WWOX: variants seen among roughly 807,000 people sequenced by gnomAD.
The protein encoded by WWOX is WW domain-containing oxidoreductase.
In WWOX, 69 loss-of-function variants were observed where a neutral mutation model predicts 46.2. The observed-to-expected ratio is 1.49, with a 90% CI of 1.23 to 1.82. The LOEUF (loss-of-function observed/expected upper bound fraction) is 1.82. Among genes scored for constraint, WWOX ranks in the 40% most tolerant of loss-of-function variants. The probability of loss-of-function intolerance (pLI) is 0.00; values close to 1 mark genes in which losing one functional copy is unlikely to be tolerated. For synonymous variants in WWOX, 359 were observed against 202.6 expected, an observed-to-expected ratio of 1.77 and a Z score of -6.56; for missense variants, 919 against 542.6, an observed-to-expected ratio of 1.69 and a Z score of -6.89.
intron 8 of WWOX, among the ~76,000 whole-genome samples, chr16:79,049,291 G>A (rs2048122564): frequency 1.3e-5 from 2 of 152,176 alleles, no homozygotes; most frequent in South Asian, 4.1e-4. Flanking sequence ...CCTTTGTCAA[G>A]GAAGTAAGCA....
At chr16:78,413,548 TTAGG>T (rs1170117319) in intron 6 of WWOX, among the ~76,000 whole-genome samples, 3 of 152,146 alleles carry the variant, frequency 2.0e-5, no homozygotes, top group Admixed American at 1.3e-4. Flanking sequence ...CGTTGATCAG[TTAGG>T]TAGGGACAGA....
intron 8 of WWOX, among the ~76,000 whole-genome samples, chr16:78,742,357 C>A (rs182024245): frequency 3.3e-5 from 5 of 152,172 alleles, no homozygotes; most frequent in Non-Finnish European, 5.9e-5. Context: ...CAGGACAGAG[C>A]CCCACTTCTA....
intron 8 of WWOX, among the ~76,000 whole-genome samples, chr16:79,104,880 C>T (rs564603325): frequency 9.7e-4 from 147 of 152,288 alleles, no homozygotes; most frequent in African/African-American, 3.3e-3. Flanking sequence ...CGACAGACAG[C>T]GGCCAGAGAA....
At chr16:78,583,674 G>A (rs535222663) in intron 8 of WWOX, among the ~76,000 whole-genome samples, 14 of 152,308 alleles carry the variant, frequency 9.2e-5, no homozygotes, top group African/African-American at 3.4e-4. Flanking sequence ...ATCAGGCAGC[G>A]GGTTGGGGGG....
chr16:78,223,039 C>T (rs1382269900), intron 5 of WWOX, among the ~76,000 whole-genome samples: 1 of 152,160 alleles, frequency 6.6e-6, no homozygotes, highest in Non-Finnish European at 1.5e-5. Flanking sequence ...CTGGTTGAAG[C>T]TCTGGCATGG....
intron 8 of WWOX, among the ~76,000 whole-genome samples, chr16:78,489,006 A>T (rs1211691602): frequency 6.6e-6 from 1 of 152,186 alleles, no homozygotes; most frequent in African/African-American, 2.4e-5. Flanking sequence ...GTCTCTGCAG[A>T]GTGTCTAAAT....
Position 78,351,084 on chromosome 16 carries a change from G to T in WWOX, c.517-35776G>T, listed in dbSNP as rs1005957825. ...CATCTCTTCATATGATTATTGGATGGATGATTTTTTTCAGCGGTTATCAGG... is the reference window on the plus strand; with the variant it reads ...CATCTCTTCATATGATTATTGGATGTATGATTTTTTTCAGCGGTTATCAGG... On this transcript the variant is annotated intron_variant, in intron 5 of 8. Transcript: ENST00000566780. 2.0e-5 allele frequency among the ~76,000 whole-genome samples: 3 copies of T among 152,266 alleles called. No individual in the cohort carries two copies. In the East Asian group the frequency reaches 5.8e-4, roughly 29 times the overall value.
At position 79,014,705 on chromosome 16, in the gene WWOX, C is replaced by G. The variant is rs896527138; in HGVS notation, c.1057-196903C>G. 5.9e-5 allele frequency among the ~76,000 whole-genome samples: 9 copies of G among 152,242 alleles called. 1 individual carries two copies. The South Asian group carries it at 6.2e-4, about 11-fold the overall frequency. ...GCCCTGATTTCAGAGATGAAAGAAC[C>G]AAGGCATAGAAATTGAGTCACTTTC... On this transcript the variant is annotated intron_variant, in intron 8 of 8. Coordinates refer to ENST00000566780, the MANE Select transcript of WWOX (RefSeq NM_016373.4).
intron 4 of WWOX, among the ~76,000 whole-genome samples, chr16:78,160,095 T>C (rs2151730963): frequency 6.6e-6 from 1 of 152,328 alleles, no homozygotes; most frequent in African/African-American, 2.4e-5. Flanking sequence ...TTTCCATCGT[T>C]CTGCTTTCTT....
intron 8 of WWOX, among the ~76,000 whole-genome samples, chr16:78,576,180 A>G (rs994048034): frequency 5.3e-5 from 8 of 152,336 alleles, no homozygotes; most frequent in Middle Eastern, 3.4e-3. Flanking sequence ...ATGCATTTGA[A>G]AGGGAAGAAG....
At chr16:78,949,392 T>G (rs1180070097) in intron 8 of WWOX, among the ~76,000 whole-genome samples, 1 of 152,258 alleles carries the variant, frequency 6.6e-6, no homozygotes, top group African/African-American at 2.4e-5. Flanking sequence ...AGGGTGGGGC[T>G]CAACCAGCCC....
intron 5 of WWOX, among the ~76,000 whole-genome samples, chr16:78,373,199 A>G (rs573576124): frequency 4.6e-5 from 7 of 152,228 alleles, no homozygotes; most frequent in East Asian, 3.9e-4. Flanking sequence ...TTCAGACTCA[A>G]TAGGTACTAG....
At chr16:78,314,234 G>T (rs201628276) in intron 5 of WWOX, among the ~76,000 whole-genome samples, 1 of 151,606 alleles carries the variant, frequency 6.6e-6, no homozygotes, top group Non-Finnish European at 1.5e-5. Flanking sequence ...GTGAAACCCC[G>T]TCTCTACTAA....
intron 8 of WWOX, among the ~76,000 whole-genome samples, chr16:78,647,404 T>TC: frequency 6.6e-6 from 1 of 152,144 alleles, no homozygotes; most frequent in African/African-American, 2.4e-5. Context: ...TCTGTGGGTC[T>TC]CCAGGTTTCT....
At chr16:78,142,881 A>C (rs764516932) in intron 4 of WWOX, among the ~76,000 whole-genome samples, 2 of 152,246 alleles carry the variant, frequency 1.3e-5, no homozygotes, top group Non-Finnish European at 2.9e-5. Context: ...AATTTGAACT[A>C]AAACACATAG....
intron 8 of WWOX, chr16:78,897,731 G>A (rs1451551171): frequency 6.6e-6 from 1 of 152,030 alleles, no homozygotes; most frequent in Non-Finnish European, 1.5e-5. Flanking sequence ...TGTTTAACTT[G>A]TAAGAATGCT....
At chr16:78,444,259 A>G (rs1445100057) in intron 8 of WWOX, among the ~76,000 whole-genome samples, 3 of 152,042 alleles carry the variant, frequency 2.0e-5, no homozygotes, top group Non-Finnish European at 4.4e-5. Flanking sequence ...TTCTCTTTAG[A>G]TAATTGTGTG....
At chr16:78,983,309 G>C (rs1036197256) in intron 8 of WWOX, among the ~76,000 whole-genome samples, 2 of 152,180 alleles carry the variant, frequency 1.3e-5, no homozygotes, top group African/African-American at 4.8e-5. Flanking sequence ...GTAGAATCAG[G>C]AACCAGGGCC....
intron 5 of WWOX, among the ~76,000 whole-genome samples, chr16:78,177,112 A>G (rs146554764): frequency 4.3e-4 from 66 of 152,366 alleles, no homozygotes; most frequent in Non-Finnish European, 8.8e-4. Flanking sequence ...GCAGAAGTTG[A>G]GAAGCATGGC....
Sources: allele counts gnomAD v4.1 joint callset (sites outside exome capture counted in the v4.1 genomes callset), GRCh38; gene constraint gnomAD v4.1.1; transcripts MANE v1.5; gene names NCBI Gene and HGNC (gene_info 2026-07-23, HGNC 2026-07-21).